MRPL33: variants seen among roughly 807,000 people sequenced by gnomAD.
The protein encoded by MRPL33 is large ribosomal subunit protein bL33m.
In MRPL33, 5 loss-of-function variants were observed where a neutral mutation model predicts 10.1. That is an observed-to-expected ratio of 0.49 (90% CI 0.26 to 1.04). MRPL33 has a LOEUF of 1.04. Among genes scored for constraint, MRPL33 ranks in the 50% least tolerant of loss-of-function variants. The pLI is 0.14. For missense variants in MRPL33, 79 were observed against 78.1 expected, an observed-to-expected ratio of 1.01 and a Z score of -0.04; for synonymous variants, 24 against 27.7, an observed-to-expected ratio of 0.87 and a Z score of 0.42.
chr2:27,779,349 C>A, intron 3 of MRPL33, 84 bp from the exon 4 acceptor site: 1 of 1,425,000 alleles, frequency 7.0e-7, no homozygotes, highest in South Asian at 1.4e-5. Context: ...AAGGTGAGGG[C>A]TTATGGTCTG....
intron 3 of MRPL33, among the ~76,000 whole-genome samples, chr2:27,777,085 G>A (rs1677190486): frequency 4.6e-5 from 7 of 152,116 alleles, no homozygotes; most frequent in Admixed American, 4.6e-4. Context: ...GGTCTGTGTT[G>A]TGCAGACTGG....
intron 3 of MRPL33, among the ~76,000 whole-genome samples, chr2:27,777,698 A>G (rs1677202639): frequency 6.6e-6 from 1 of 152,218 alleles, no homozygotes; most frequent in Admixed American, 6.5e-5. Flanking sequence ...CTATGGACTT[A>G]AATATTTTAT....
At chr2:27,775,349 A>AT (rs1195445083) in intron 3 of MRPL33, among the ~76,000 whole-genome samples, 2 of 106,628 alleles carry the variant, frequency 1.9e-5, no homozygotes, top group African/African-American at 6.2e-5. Context: ...CTTTATAATT[A>AT]ATTTTTTTTT....
At chr2:27,771,887 T>C (rs1383871120) in intron 1 of MRPL33, 88 bp downstream of exon 1, 12 of 1,351,310 alleles carry the variant, frequency 8.9e-6, no homozygotes, top group Middle Eastern at 1.8e-4. Flanking sequence ...CGGGGAAGGA[T>C]GTGCGAACAG....
intron 1 of MRPL33, 152 bp from the exon 2 acceptor site, chr2:27,772,518 AATAG>A (rs1217358299): frequency 2.0e-5 from 12 of 600,168 alleles, no homozygotes; most frequent in South Asian, 1.1e-4. Context: ...GGGGATCCCT[AATAG>A]ATAGGGAATA....
intron 1 of MRPL33, chr2:27,772,064 T>A: frequency 2.2e-6 from 1 of 454,274 alleles, no homozygotes; most frequent in Non-Finnish European, 3.9e-6. Context: ...TGTGGGGCGT[T>A]TTTCTCCAGC....
rs753690865 is a variant in MRPL33 at position 27,779,511 on chromosome 2, T to C, written c.*29T>C. On this transcript the variant is annotated 3_prime_UTR_variant, in exon 4 of 4. Coordinates refer to ENST00000296102, the MANE Select transcript of MRPL33 (RefSeq NM_004891.4). ...GTGGATTGAAAATGACTTTGATTTA[T>C]AAAGAGAAGACTGAGGGCGGGGATA... 3 of 1,612,990 alleles carry C rather than the reference T, an allele frequency of 1.9e-6. No homozygotes were observed. The highest frequency in any genetic ancestry group is 2.5e-6 in the Non-Finnish European group (3 of 1,179,704).
At chr2:27,776,137 T>C (rs924126739) in intron 3 of MRPL33, among the ~76,000 whole-genome samples, 2 of 152,274 alleles carry the variant, frequency 1.3e-5, no homozygotes, top group Non-Finnish European at 2.9e-5. Context: ...TAAACAGTTC[T>C]GATCATAGTT....
intron 2 of MRPL33, 39 bp downstream of exon 2, chr2:27,772,731 T>G (rs1287423425): frequency 6.5e-7 from 1 of 1,541,288 alleles, no homozygotes; most frequent in East Asian, 2.3e-5. Context: ...GTCACTTGTT[T>G]ATGTTGGATT....
chr2:27,775,771 C>T lies in MRPL33; in HGVS notation c.148+1241C>T, dbSNP rs561201870. On this transcript the variant is annotated intron_variant, in intron 3 of 3. Coordinates refer to ENST00000296102, the MANE Select transcript of MRPL33 (RefSeq NM_004891.4). Reference sequence around the variant, plus strand: ...TCCATCCTTTAACAGAAATAAAATTCCTTGCTGTTTTTATGGTGTTCAAAT... The same window carrying T: ...TCCATCCTTTAACAGAAATAAAATTTCTTGCTGTTTTTATGGTGTTCAAAT... Among the ~76,000 whole-genome samples the T allele has an allele frequency of 2.0e-5, 3 of 152,258 alleles. No homozygotes were observed. The South Asian group carries it at 6.2e-4, about 32-fold the overall frequency.
chr2:27,773,689 TG>T (rs1413365224), intron 2 of MRPL33, among the ~76,000 whole-genome samples: 1 of 152,232 alleles, frequency 6.6e-6, no homozygotes, highest in African/African-American at 2.4e-5. Context: ...GAATAATTAT[TG>T]TCTATCTTAA....
chr2:27,779,342 G>T (rs1241883836), intron 3 of MRPL33, 91 bp from the exon 4 acceptor site: 1 of 1,383,546 alleles, frequency 7.2e-7, no homozygotes, highest in East Asian at 2.4e-5. Context: ...TAAGAGAAAG[G>T]TGAGGGCTTA....
intron 2 of MRPL33, among the ~76,000 whole-genome samples, chr2:27,773,484 G>A (rs1009069900): frequency 6.6e-6 from 1 of 152,186 alleles, no homozygotes; most frequent in South Asian, 2.1e-4. Flanking sequence ...TTCTGTAGAG[G>A]TATATTCTGA....
chr2:27,776,257 GAA>G (rs1223172458), intron 3 of MRPL33, among the ~76,000 whole-genome samples: 1 of 152,258 alleles, frequency 6.6e-6, no homozygotes, highest in African/African-American at 2.4e-5. Flanking sequence ...CTGAAGAAGA[GAA>G]TGTTCTGGGA....
chr2:27,772,416 C>T, intron 1 of MRPL33: 1 of 400,120 alleles, frequency 2.5e-6, no homozygotes, highest in South Asian at 4.8e-5. Flanking sequence ...AAAAGGTAGC[C>T]AGTCCAACAG....
chr2:27,774,479 A>C lies in MRPL33; in HGVS notation c.97A>C (p.Lys33Gln). 1 of 1,614,156 alleles carries C rather than the reference A, an allele frequency of 6.2e-7. No homozygotes were observed. The highest frequency in any genetic ancestry group is 1.3e-5 in the African/African-American group (1 of 75,064). The change falls in exon 3 of 4, where the codon AAG (lysine) becomes CAG (glutamine). Residue 33 changes from lysine (K) to glutamine (Q), a missense_variant. Transcript: ENST00000296102. ...TGGGACAGGTTTCTGCTTCAACACCAAGAGAAACCGACTGCGGGAAAAACT... is the reference window on the plus strand; with the variant it reads ...TGGGACAGGTTTCTGCTTCAACACCCAGAGAAACCGACTGCGGGAAAAACT... ...EAGTGFCFNTKRNRLREKLTL... is the reference protein window; with the variant it reads ...EAGTGFCFNTQRNRLREKLTL...
Position 27,775,066 on chromosome 2 carries a change from A to AGTG in MRPL33, c.148+538_148+540dup, listed in dbSNP as rs1322370997. Among the ~76,000 whole-genome samples, 20 of 152,318 alleles carry AGTG rather than the reference A, an allele frequency of 1.3e-4. No homozygotes were observed. In the East Asian group the frequency reaches 1.9e-3, roughly 15 times the overall value. On this transcript the variant is annotated intron_variant, in intron 3 of 3. Transcript: ENST00000296102. The stretch of plus-strand genomic sequence containing the variant: ...GAATATGGTTTCTATATATTAGTGC[A>AGTG]GTGGGGGTAGGAAATTTGATTTTTC...
chr2:27,779,671 T>C lies in MRPL33; in HGVS notation c.*189T>C. 9.6e-7 allele frequency: 1 copy of C among 1,039,682 alleles called. No homozygotes were observed. Among genetic ancestry groups the C allele is most frequent in the African/African-American group, 1.6e-5 (1 of 61,918 alleles). The allele number at this position is 1,039,682 out of a possible 1,614,324, so 64.4% of individuals were successfully genotyped here. A position where few individuals can be genotyped will look rare whatever the true frequency, so the allele number is the denominator to read the frequency against. ...GTTCTTCATATTAGGACAGATATCA[T>C]TGCATCACATTTATTTATCTTTCTG... On this transcript the variant is annotated 3_prime_UTR_variant, in exon 4 of 4. Coordinates refer to ENST00000296102, the MANE Select transcript of MRPL33 (RefSeq NM_004891.4).
At position 27,779,550 on chromosome 2, in the gene MRPL33, C is replaced by A. The variant is rs200055489; in HGVS notation, c.*68C>A. 50 of 1,600,326 alleles carry A rather than the reference C, an allele frequency of 3.1e-5. No homozygotes were observed. In the East Asian group the frequency reaches 1.1e-3, roughly 34 times the overall value. On this transcript the variant is annotated 3_prime_UTR_variant, in exon 4 of 4. Transcript: ENST00000296102. ...AGGGCGGGGATACTGATTCAGAAAT[C>A]CTGTAGCGTGTAATAAAAGAAGAGG...
Sources: allele counts gnomAD v4.1 joint callset (sites outside exome capture counted in the v4.1 genomes callset), GRCh38; gene constraint gnomAD v4.1.1; transcripts MANE v1.5; gene names NCBI Gene and HGNC (gene_info 2026-07-23, HGNC 2026-07-21).